The following TYW1 variants were observed in gnomAD, a reference collection of about 807,000 sequenced individuals.
The protein encoded by TYW1 is S-adenosyl-L-methionine-dependent tRNA 4-demethylwyosine synthase TYW1.
Under a neutral mutation model 96.2 loss-of-function variants are expected in TYW1, and 46 were observed. The observed-to-expected ratio is 0.48, with a 90% confidence interval of 0.38 to 0.61. The LOEUF is 0.61. Among genes scored for constraint, TYW1 ranks in the 20% least tolerant of loss-of-function variants. The pLI is 0.00. For missense variants in TYW1, 684 were observed against 909.6 expected (o/e 0.75, Z 3.19); for synonymous variants, 274 against 323.0 (o/e 0.85, Z 1.63).
At chr7:67,211,178 G>A (rs1801007063) in intron 15 of TYW1, among the ~76,000 whole-genome samples, 1 of 143,808 alleles carries the variant, frequency 7.0e-6, no homozygotes, top group South Asian at 2.2e-4. Context: ...GTGTGTGTGT[G>A]TGTGTGTGTG....
intron 11 of TYW1, among the ~76,000 whole-genome samples, chr7:67,086,083 A>G (rs1277298172): frequency 1.3e-5 from 2 of 151,850 alleles, no homozygotes; most frequent in African/African-American, 4.8e-5. Flanking sequence ...TTTTTTTTGT[A>G]CATTTACAAA....
intron 15 of TYW1, among the ~76,000 whole-genome samples, chr7:67,221,861 C>CT (rs58609089): frequency 0.51 from 73,302 of 144,280 alleles, 18,423 homozygotes; most frequent in Middle Eastern, 0.59. Flanking sequence ...TAATACTTGT[C>CT]TTTTTTTTTT....
intron 15 of TYW1, among the ~76,000 whole-genome samples, chr7:67,235,061 G>A (rs1398549205): frequency 6.6e-6 from 1 of 152,136 alleles, no homozygotes; most frequent in East Asian, 1.9e-4. Flanking sequence ...GGGTGAAGGA[G>A]CATCAGGATT....
chr7:67,025,130 T>C, intron 7 of TYW1, 108 bp downstream of exon 7: 1 of 1,513,794 alleles, frequency 6.6e-7, no homozygotes, highest in Non-Finnish European at 8.8e-7. Context: ...GTTTCATTTC[T>C]CTAGCTTCTG....
rs534741491 is a variant in TYW1, at chr7:67,171,660, G to A, written c.1699-11466G>A. On this transcript the variant is annotated intron_variant, in intron 13 of 15. Transcript: ENST00000359626. ...CTTCATATTGATGCTATATTGTTAG[G>A]TACTAGTATATTGTTATACTAGTTA... Among the ~76,000 whole-genome samples, 16 of 152,110 alleles carry A rather than the reference G, an allele frequency of 1.1e-4. No individual in the cohort carries two copies. The East Asian group carries it at 3.1e-3, about 29-fold the overall frequency.
intron 13 of TYW1, among the ~76,000 whole-genome samples, chr7:67,174,108 C>G (rs1799592598): frequency 6.7e-6 from 1 of 148,760 alleles, no homozygotes; most frequent in South Asian, 2.1e-4. Flanking sequence ...TGTAGTTAGA[C>G]TGTTTGGGAC....
At chr7:67,057,836 G>A (rs1409837968) in intron 9 of TYW1, among the ~76,000 whole-genome samples, 1 of 152,140 alleles carries the variant, frequency 6.6e-6, no homozygotes, top group Admixed American at 6.5e-5. Flanking sequence ...TATTTCTCTA[G>A]ACTGTGGCTT....
intron 7 of TYW1, among the ~76,000 whole-genome samples, chr7:67,025,238 G>A (rs1258690732): frequency 1.3e-5 from 2 of 152,088 alleles, no homozygotes; most frequent in African/African-American, 4.8e-5. Flanking sequence ...GGATAAGCAG[G>A]AGATTTGAGA....
In TYW1 at chr7:67,017,756, C is replaced by T. The variant is rs1219021380; in HGVS notation, c.571-97C>T. 13 of 1,497,784 alleles carry T rather than the reference C, an allele frequency of 8.7e-6. No homozygotes were observed. The East Asian group carries it at 2.7e-4, about 31-fold the overall frequency. The allele number at this position is 1,497,784 out of a possible 1,614,324, so 92.8% of individuals were successfully genotyped here. On this transcript the variant is annotated intron_variant, in intron 5 of 15. Coordinates refer to ENST00000359626, the MANE Select transcript of TYW1 (RefSeq NM_018264.4). ...CCTCTTCCTTAGCGGCAGCCCATGA[C>T]CAGGGGCCTCGGAAGGACTTTGGGC...
At chr7:67,095,710 G>A (rs62468369) in intron 11 of TYW1, among the ~76,000 whole-genome samples, 3,678 of 92,588 alleles carry the variant, frequency 0.04, 62 homozygotes, top group South Asian at 0.073. Context: ...AGCAGCAGCA[G>A]CAGCAGCAGC....
intron 15 of TYW1, among the ~76,000 whole-genome samples, chr7:67,203,689 G>T (rs1031653112): frequency 1.9e-4 from 29 of 151,816 alleles, no homozygotes; most frequent in Non-Finnish European, 2.4e-4. Context: ...GAGAAGAAGA[G>T]TTTATTGTAT....
intron 13 of TYW1, among the ~76,000 whole-genome samples, chr7:67,180,509 A>G (rs1799807029): frequency 6.7e-6 from 1 of 149,278 alleles, no homozygotes; most frequent in East Asian, 2.0e-4. Context: ...TTTACAATTA[A>G]TTATTTTTCG....
In TYW1 at chr7:67,115,017, A is replaced by G. The variant is rs541022912; in HGVS notation, c.1563-2466A>G. ...GCATCTCAGACATCTAGTATTGGCT[A>G]GAATTCCTTATTGGTAGTGTCAGTG... On this transcript the variant is annotated intron_variant, in intron 12 of 15. Coordinates refer to ENST00000359626, the MANE Select transcript of TYW1 (RefSeq NM_018264.4). 1.1e-3 allele frequency among the ~76,000 whole-genome samples: 167 copies of G among 152,262 alleles called. 2 individuals carry two copies. Among genetic ancestry groups the G allele is most frequent in the Non-Finnish European group, 3.1e-4 (21 of 68,024 alleles).
intron 13 of TYW1, among the ~76,000 whole-genome samples, chr7:67,166,237 A>G (rs1799317544): frequency 7.0e-6 from 1 of 142,300 alleles, no homozygotes; most frequent in Admixed American, 7.1e-5. Flanking sequence ...CCTGTGTGAC[A>G]GAGCGTGAAC....
At chr7:67,230,328 A>G (rs1489437125) in intron 15 of TYW1, among the ~76,000 whole-genome samples, 1 of 137,584 alleles carries the variant, frequency 7.3e-6, no homozygotes, top group African/African-American at 2.9e-5. Flanking sequence ...CCTCTGCCCT[A>G]CATTTTTTGG....
intron 4 of TYW1, among the ~76,000 whole-genome samples, chr7:67,012,174 A>G (rs942048220): frequency 6.6e-6 from 1 of 152,072 alleles, no homozygotes; most frequent in Non-Finnish European, 1.5e-5. Flanking sequence ...CAACATGGTG[A>G]AACCCCGTCT....
intron 13 of TYW1, among the ~76,000 whole-genome samples, chr7:67,137,538 G>A (rs1170105937): frequency 1.3e-5 from 2 of 152,174 alleles, no homozygotes; most frequent in Admixed American, 6.5e-5. Context: ...CTACCTAACA[G>A]GAAACAATTC....
intron 15 of TYW1, among the ~76,000 whole-genome samples, chr7:67,215,396 A>G (rs1285429613): frequency 6.6e-6 from 1 of 151,884 alleles, no homozygotes; most frequent in Non-Finnish European, 1.5e-5. Context: ...ACTTGTAATA[A>G]CTCCTCAGGC....
intron 13 of TYW1, among the ~76,000 whole-genome samples, chr7:67,176,110 A>T (rs1218552543): frequency 6.6e-6 from 1 of 152,192 alleles, no homozygotes; most frequent in Admixed American, 6.5e-5. Flanking sequence ...ACCAGCTATT[A>T]AAATATCAGT....
Sources: allele counts gnomAD v4.1 joint callset (sites outside exome capture counted in the v4.1 genomes callset), GRCh38; gene constraint gnomAD v4.1.1; transcripts MANE v1.5; gene names NCBI Gene and HGNC (gene_info 2026-07-23, HGNC 2026-07-21).